The following PARVA variants were observed in gnomAD, a reference collection of about 807,000 sequenced individuals.
The protein encoded by PARVA is alpha-parvin.
In PARVA, 25 loss-of-function variants were observed where a neutral mutation model predicts 52.6. The observed-to-expected ratio is 0.48, with a 90% CI of 0.35 to 0.66. The LOEUF is 0.66. Among genes scored for constraint, PARVA ranks in the 30% least tolerant of loss-of-function variants. The pLI, the probability that PARVA is intolerant of heterozygous loss-of-function variation, is 0.01. For synonymous variants in PARVA, 185 were observed against 179.1 expected, an observed-to-expected ratio of 1.03 and a Z score of -0.26; for missense variants, 373 against 450.9, an observed-to-expected ratio of 0.83 and a Z score of 1.56.
chr11:12,442,234 G>A (rs186304105), intron 1 of PARVA, among the ~76,000 whole-genome samples: 34 of 152,362 alleles, frequency 2.2e-4, no homozygotes, highest in Admixed American at 1.1e-3. Context: ...CGATGCTGCT[G>A]TCCAGCTGAA....
intron 5 of PARVA, among the ~76,000 whole-genome samples, chr11:12,503,653 G>A (rs1941390510): frequency 6.6e-6 from 1 of 152,064 alleles, no homozygotes; most frequent in Non-Finnish European, 1.5e-5. Context: ...AGGATTGCTT[G>A]AGCCTAGGAG....
chr11:12,444,799 A>G (rs1940522691), intron 1 of PARVA, among the ~76,000 whole-genome samples: 1 of 152,186 alleles, frequency 6.6e-6, no homozygotes, highest in African/African-American at 2.4e-5. Context: ...CTGAGACCTC[A>G]GCGTTGGCCC....
chr11:12,532,590 G>A lies in PARVA; in HGVS notation c.*4665G>A, dbSNP rs1014493595. Among the ~76,000 whole-genome samples, 3 of 152,172 alleles carry A rather than the reference G, an allele frequency of 2.0e-5. No individual in the cohort carries two copies. Among genetic ancestry groups the A allele is most frequent in the Non-Finnish European group, 2.9e-5 (2 of 68,036 alleles). The stretch of plus-strand genomic sequence containing the variant: ...GACAGATGAAAAATAACTATGAATC[G>A]ACGTTAGTTACAAATTGTGACTGTC... On this transcript the variant is annotated 3_prime_UTR_variant, in exon 13 of 13. Transcript: ENST00000334956.
At chr11:12,497,525 G>A (rs979660107) in intron 5 of PARVA, among the ~76,000 whole-genome samples, 1 of 152,192 alleles carries the variant, frequency 6.6e-6, no homozygotes, top group Non-Finnish European at 1.5e-5. Flanking sequence ...AATCCCTCCA[G>A]CAGGTCTCTA....
intron 4 of PARVA, among the ~76,000 whole-genome samples, chr11:12,490,068 T>C (rs1295095037): frequency 6.6e-6 from 1 of 151,770 alleles, no homozygotes; most frequent in African/African-American, 2.4e-5. Flanking sequence ...TACAAAAAAT[T>C]AGCCGGGTGT....
upstream of PARVA, chr11:12,377,360 C>T (rs1183943746): frequency 1.6e-6 from 2 of 1,280,044 alleles, no homozygotes; most frequent in Non-Finnish European, 1.0e-6. Flanking sequence ...GCACACACGT[C>T]CTCCTGTCCT....
At chr11:12,519,999 A>T (rs944409510) in intron 12 of PARVA, among the ~76,000 whole-genome samples, 1 of 152,176 alleles carries the variant, frequency 6.6e-6, no homozygotes, top group East Asian at 1.9e-4. Context: ...TTTTGCTTCC[A>T]CTTTCTTCAA....
intron 1 of PARVA, among the ~76,000 whole-genome samples, chr11:12,385,901 TGCCCC>T (rs1179133869): frequency 1.2e-4 from 18 of 152,222 alleles, no homozygotes; most frequent in Non-Finnish European, 2.2e-4. Context: ...AGTAGTTTGC[TGCCCC>T]ATCCTCCATT....
chr11:12,453,809 A>C (rs780824748), intron 1 of PARVA, among the ~76,000 whole-genome samples: 20 of 152,154 alleles, frequency 1.3e-4, no homozygotes, highest in Non-Finnish European at 2.9e-4. Flanking sequence ...ACACATAACT[A>C]ATAAAGGAAT....
At chr11:12,455,667 A>G (rs1350153868) in intron 1 of PARVA, among the ~76,000 whole-genome samples, 1 of 152,110 alleles carries the variant, frequency 6.6e-6, no homozygotes. Context: ...CCATTTCTCC[A>G]AGGAGCTCTG....
chr11:12,527,310 G>A (rs56096528), intron 12 of PARVA, among the ~76,000 whole-genome samples: 8 of 85,740 alleles, frequency 9.3e-5, no homozygotes, highest in South Asian at 3.4e-4. Flanking sequence ...AGGAGGGAGG[G>A]AGGGAGGAAG....
intron 1 of PARVA, among the ~76,000 whole-genome samples, chr11:12,455,539 G>T (rs914828554): frequency 7.2e-5 from 11 of 151,820 alleles, no homozygotes; most frequent in African/African-American, 1.2e-4. Flanking sequence ...TCTGTCCTTG[G>T]CCATTGGAAG....
chr11:12,524,785 G>A (rs1941679957), intron 12 of PARVA, among the ~76,000 whole-genome samples: 1 of 152,208 alleles, frequency 6.6e-6, no homozygotes, highest in Admixed American at 6.5e-5. Flanking sequence ...AATATCCTTG[G>A]AGGGTCCATG....
intron 6 of PARVA, 144 bp downstream of exon 6, chr11:12,504,573 A>G (rs1941409829): frequency 3.2e-6 from 2 of 624,124 alleles, no homozygotes; most frequent in South Asian, 4.0e-5. Context: ...GAGGCACTGA[A>G]TGAGCTTTCT....
At chr11:12,508,487 C>A in intron 6 of PARVA, 97 bp from the exon 7 acceptor site, 2 of 886,050 alleles carry the variant, frequency 2.3e-6, no homozygotes, top group Non-Finnish European at 3.8e-6. Context: ...ACACCAGTAA[C>A]TTTCTCATTA....
rs1285343415 is a variant in PARVA, at chr11:12,534,344, ACTG to A, written c.*6420_*6422del. ...TGGTTGGAAACCAGTCCAGTGGGTG[ACTG>A]GCCCAGAATGATGCTTCTCCTCGGT... On this transcript the variant is annotated 3_prime_UTR_variant, in exon 13 of 13. Transcript: ENST00000334956. Among the ~76,000 whole-genome samples, 3 of 152,074 alleles carry A rather than the reference ACTG, an allele frequency of 2.0e-5. No homozygotes were observed. Among genetic ancestry groups the A allele is most frequent in the Admixed American group, 1.3e-4 (2 of 15,272 alleles).
chr11:12,518,666 C>T (rs1290015161), intron 12 of PARVA, 149 bp downstream of exon 12: 2 of 664,960 alleles, frequency 3.0e-6, no homozygotes, highest in Non-Finnish European at 5.5e-6. Context: ...GTCCCAGAGA[C>T]CCTTTGTGAG....
chr11:12,455,929 A>G (rs1446377634), intron 1 of PARVA, among the ~76,000 whole-genome samples: 2 of 152,158 alleles, frequency 1.3e-5, no homozygotes, highest in Admixed American at 6.5e-5. Flanking sequence ...CTGCCTGGGT[A>G]CTTTCACCAT....
At chr11:12,527,764 G>GT in intron 12 of PARVA, 85 bp from the exon 13 acceptor site, 1 of 992,456 alleles carries the variant, frequency 1.0e-6, no homozygotes, top group Non-Finnish European at 1.6e-6. Flanking sequence ...GGATTGGGTG[G>GT]TGGGTGGAAG....
Sources: allele counts gnomAD v4.1 joint callset (sites outside exome capture counted in the v4.1 genomes callset), GRCh38; gene constraint gnomAD v4.1.1; transcripts MANE v1.5; gene names NCBI Gene and HGNC (gene_info 2026-07-23, HGNC 2026-07-21).